Variants in DNAJC6 observed in about 807,000 individuals in gnomAD.
DNAJC6 encodes the protein auxilin.
A neutral mutation model predicts 110.0 loss-of-function variants in DNAJC6; 34 were observed. The observed-to-expected ratio is 0.31, with a 90% CI of 0.24 to 0.41. The LOEUF is 0.41. Among genes scored for constraint, DNAJC6 ranks in the 10% least tolerant of loss-of-function variants. DNAJC6 has a pLI of 1.00. For missense variants in DNAJC6, 1,031 were observed against 1,207.8 expected (o/e 0.85, Z 2.17); for synonymous variants, 406 against 437.2 (o/e 0.93, Z 0.89).
intron 4 of DNAJC6, among the ~76,000 whole-genome samples, chr1:65,370,141 A>T (rs1645691889): frequency 6.6e-6 from 1 of 152,180 alleles, no homozygotes; most frequent in Non-Finnish European, 1.5e-5. Context: ...GACCAACAAG[A>T]TGCATCAGTT....
At chr1:65,372,741 A>T (rs1275797222) in intron 4 of DNAJC6, among the ~76,000 whole-genome samples, 1 of 152,152 alleles carries the variant, frequency 6.6e-6, no homozygotes, top group East Asian at 1.9e-4. Context: ...TCTACTGAAA[A>T]AAGCTGTAAT....
intron 4 of DNAJC6, among the ~76,000 whole-genome samples, chr1:65,378,279 C>CCTTAAATATTCTCCCAG (rs71058407): frequency 6.6e-6 from 1 of 151,918 alleles, no homozygotes; most frequent in Non-Finnish European, 1.5e-5. Context: ...GAGTCATTCT[C>CCTTAAATATTCTCCCAG]CTCCTTAACA....
intron 15 of DNAJC6, among the ~76,000 whole-genome samples, chr1:65,405,582 G>C (rs74514113): frequency 1.3e-5 from 2 of 152,096 alleles, no homozygotes; most frequent in Non-Finnish European, 2.9e-5. Context: ...ATCAAGTCTC[G>C]GCTCAGCTAC....
chr1:65,264,956 T>C (rs1653266641), intron 1 of DNAJC6: 5 of 1,610,568 alleles, frequency 3.1e-6, no homozygotes, highest in Non-Finnish European at 4.2e-6. Flanking sequence ...TGCAGAAAGA[T>C]GGCTAAGAGA....
intron 1 of DNAJC6, among the ~76,000 whole-genome samples, chr1:65,319,738 C>T (rs1399306965): frequency 6.6e-6 from 1 of 152,180 alleles, no homozygotes; most frequent in Non-Finnish European, 1.5e-5. Context: ...CGGCAAAAAT[C>T]TTAGCAGATA....
upstream of DNAJC6, among the ~76,000 whole-genome samples, chr1:65,307,468 A>G (rs1645055125): frequency 6.6e-6 from 1 of 152,208 alleles, no homozygotes; most frequent in Non-Finnish European, 1.5e-5. Flanking sequence ...TTGAGCAAAA[A>G]TAACTGAAAG....
intron 17 of DNAJC6, among the ~76,000 whole-genome samples, chr1:65,410,723 T>C (rs1646120639): frequency 6.6e-6 from 1 of 152,242 alleles, no homozygotes; most frequent in Non-Finnish European, 1.5e-5. Flanking sequence ...ACAAGCCTTT[T>C]TGAGCTCTGT....
chr1:65,408,571 C>A, intron 16 of DNAJC6, 70 bp from the exon 17 acceptor site: 1 of 1,541,404 alleles, frequency 6.5e-7, no homozygotes, highest in Non-Finnish European at 8.8e-7. Context: ...ACTCCAGATG[C>A]TGTGAGATAA....
At chr1:65,269,474 T>C (rs750691780) in intron 1 of DNAJC6, among the ~76,000 whole-genome samples, 2 of 152,188 alleles carry the variant, frequency 1.3e-5, no homozygotes, top group Non-Finnish European at 2.9e-5. Flanking sequence ...TTCAGACTTT[T>C]AGGCTCTAAA....
chr1:65,306,374 A>T (rs12071391), upstream of DNAJC6: 1 of 152,136 alleles, frequency 6.6e-6, no homozygotes, highest in Admixed American at 6.5e-5. Context: ...TCAATGTATT[A>T]TATTCTCTGG....
chr1:65,403,990 A>T (rs1323773080), intron 15 of DNAJC6, among the ~76,000 whole-genome samples: 1 of 152,158 alleles, frequency 6.6e-6, no homozygotes, highest in Non-Finnish European at 1.5e-5. Flanking sequence ...GCTTTTCTGT[A>T]TTTACCAAAT....
chr1:65,403,401 T>A (rs1646047167), intron 15 of DNAJC6, among the ~76,000 whole-genome samples: 2 of 152,194 alleles, frequency 1.3e-5, no homozygotes, highest in African/African-American at 4.8e-5. Context: ...GGAAGGGGTA[T>A]CAGTTCAGTT....
chr1:65,339,875 T>G (rs1645372207), intron 1 of DNAJC6, among the ~76,000 whole-genome samples: 1 of 152,222 alleles, frequency 6.6e-6, no homozygotes, highest in Non-Finnish European at 1.5e-5. Context: ...TGAATGTTTC[T>G]GTTCCACCAA....
chr1:65,374,778 T>C (rs375780435), intron 4 of DNAJC6, among the ~76,000 whole-genome samples: 14 of 152,156 alleles, frequency 9.2e-5, no homozygotes, highest in East Asian at 3.9e-4. Flanking sequence ...TTATTTCTTT[T>C]TTTGCCTAAT....
At chr1:65,266,715 G>A (rs557145000) in intron 1 of DNAJC6, among the ~76,000 whole-genome samples, 3 of 152,094 alleles carry the variant, frequency 2.0e-5, no homozygotes, top group South Asian at 2.1e-4. Flanking sequence ...TTGCTTATTT[G>A]CCAAGTCATG....
chr1:65,332,110 G>A (rs1276460653), intron 1 of DNAJC6, among the ~76,000 whole-genome samples: 4 of 152,034 alleles, frequency 2.6e-5, no homozygotes, highest in Non-Finnish European at 5.9e-5. Context: ...GGCTTTTCTG[G>A]ACTCTTTTTT....
At chr1:65,366,358 T>C (rs1452969068) in intron 4 of DNAJC6, among the ~76,000 whole-genome samples, 162 bp downstream of exon 4, 1 of 152,190 alleles carries the variant, frequency 6.6e-6, no homozygotes, top group African/African-American at 2.4e-5. Context: ...CTATGAGATA[T>C]CCTAAAGATT....
At chr1:65,379,146 T>C (rs560334172) in intron 4 of DNAJC6, among the ~76,000 whole-genome samples, 1 of 152,224 alleles carries the variant, frequency 6.6e-6, no homozygotes, top group Admixed American at 6.5e-5. Flanking sequence ...AAGGATGTAT[T>C]TGAAATGGTC....
upstream of DNAJC6, among the ~76,000 whole-genome samples, chr1:65,308,446 A>T (rs187282990): frequency 1.3e-5 from 2 of 152,344 alleles, 1 homozygote; most frequent in South Asian, 4.1e-4. Flanking sequence ...CTGAAATCTT[A>T]TTATTTTAGG....
Sources: allele counts gnomAD v4.1 joint callset (sites outside exome capture counted in the v4.1 genomes callset), GRCh38; gene constraint gnomAD v4.1.1; transcripts MANE v1.5; gene names NCBI Gene and HGNC (gene_info 2026-07-23, HGNC 2026-07-21).